The following MACROD2 variants were observed in gnomAD, a reference collection of about 807,000 sequenced individuals.
The protein encoded by MACROD2 is ADP-ribose glycohydrolase MACROD2.
MACROD2 carries 36 observed loss-of-function variants against 70.4 expected under a neutral mutation model. That is an observed-to-expected ratio of 0.51 (90% CI 0.39 to 0.68). MACROD2 has a LOEUF of 0.68. Ranked by LOEUF, MACROD2 falls within the 30% of genes least tolerant of loss-of-function variation. The probability of loss-of-function intolerance (pLI) is 0.00; values close to 1 mark genes in which losing one functional copy is unlikely to be tolerated. For synonymous variants in MACROD2, 172 were observed against 178.8 expected (o/e 0.96, Z 0.30); for missense variants, 496 against 538.4 (o/e 0.92, Z 0.78).
intron 8 of MACROD2, among the ~76,000 whole-genome samples, chr20:15,777,566 CTT>C (rs2051749524): frequency 1.1e-5 from 1 of 93,968 alleles, no homozygotes; most frequent in Non-Finnish European, 2.5e-5. Context: ...TCCTTCCTTC[CTT>C]CCTTCCTTCT....
intron 4 of MACROD2, among the ~76,000 whole-genome samples, chr20:14,585,690 T>C (rs1417634312): frequency 6.6e-6 from 1 of 152,142 alleles, no homozygotes; most frequent in Non-Finnish European, 1.5e-5. Context: ...AGATTAAATA[T>C]GTAAGGTGTT....
chr20:14,972,148 GA>G (rs575602742), intron 5 of MACROD2, among the ~76,000 whole-genome samples: 122 of 152,360 alleles, frequency 8.0e-4, no homozygotes, highest in Non-Finnish European at 1.3e-3. Flanking sequence ...GCAGGAAGCA[GA>G]AAATGCCAGG....
rs758221880 is a variant in MACROD2, at chr20:15,611,848, G to A, written c.645+112001G>A. Among the ~76,000 whole-genome samples, 71 of 146,804 alleles carry A rather than the reference G, an allele frequency of 4.8e-4. 1 individual carries two copies. The highest frequency in any genetic ancestry group is 3.4e-3 in the Middle Eastern group (1 of 292). ...TCTATAAGGCTCCGAGCAAATTCCC[G>A]GGAGCTGGGCACGTAGTGGGGATTG... On this transcript the variant is annotated intron_variant, in intron 8 of 17. Coordinates refer to ENST00000684519, the MANE Select transcript of MACROD2 (RefSeq NM_001351661.2).
chr20:14,100,251 C>T (rs925723784), intron 3 of MACROD2, among the ~76,000 whole-genome samples: 4 of 151,878 alleles, frequency 2.6e-5, no homozygotes, highest in African/African-American at 9.7e-5. Context: ...CTCAGAAAGT[C>T]TATTTCCATA....
intron 8 of MACROD2, among the ~76,000 whole-genome samples, chr20:15,719,763 T>G (rs2050759982): frequency 6.6e-6 from 1 of 152,200 alleles, no homozygotes; most frequent in Admixed American, 6.5e-5. Context: ...AATTAGCATA[T>G]CCATCACCTC....
intron 3 of MACROD2, chr20:14,325,822 T>TATA: frequency 6.2e-7 from 1 of 1,613,896 alleles, no homozygotes; most frequent in Non-Finnish European, 8.5e-7. Flanking sequence ...ATATGCACAG[T>TATA]TCCTTGAGAA....
chr20:14,676,954 A>T (rs2070869392), intron 4 of MACROD2, among the ~76,000 whole-genome samples: 1 of 152,160 alleles, frequency 6.6e-6, no homozygotes. Flanking sequence ...ATTTCACTAA[A>T]TGGTGCATTT....
Position 14,600,944 on chromosome 20 carries a change from C to G in MACROD2, c.302-83899C>G, listed in dbSNP as rs141138731. ...AAAATTCCATGGCATAGAGAGAGAGCACAGGCTTTGCATTTAGTCCAAATG... is the reference window on the plus strand; with the variant it reads ...AAAATTCCATGGCATAGAGAGAGAGGACAGGCTTTGCATTTAGTCCAAATG... On this transcript the variant is annotated intron_variant, in intron 4 of 17. Coordinates refer to ENST00000684519, the MANE Select transcript of MACROD2 (RefSeq NM_001351661.2). Among the ~76,000 whole-genome samples the G allele has an allele frequency of 4.6e-5, 7 of 152,128 alleles. No individual in the cohort carries two copies. In the South Asian group the frequency reaches 8.3e-4, roughly 18 times the overall value.
chr20:14,137,616 T>C (rs1481309837), intron 3 of MACROD2, among the ~76,000 whole-genome samples: 2 of 152,156 alleles, frequency 1.3e-5, no homozygotes, highest in East Asian at 1.9e-4. Context: ...TCCTACATCA[T>C]ATACAACAAT....
At chr20:14,445,294 G>C (rs1407552331) in intron 3 of MACROD2, among the ~76,000 whole-genome samples, 1 of 151,876 alleles carries the variant, frequency 6.6e-6, no homozygotes, top group Non-Finnish European at 1.5e-5. Flanking sequence ...ACCAGCACTT[G>C]GCCTAAAGTA....
chr20:15,367,647 TCTC>T (rs2045430315), intron 6 of MACROD2, among the ~76,000 whole-genome samples: 1 of 152,060 alleles, frequency 6.6e-6, no homozygotes, highest in African/African-American at 2.4e-5. Flanking sequence ...AATTCTATCT[TCTC>T]CTATGAAAGC....
rs1159311138 is a variant in MACROD2 at position 14,503,463 on chromosome 20, T to G, written c.301+9955T>G. Among the ~76,000 whole-genome samples the G allele has an allele frequency of 2.0e-5, 3 of 152,156 alleles. No individual in the cohort carries two copies. In the East Asian group the frequency reaches 5.8e-4, roughly 29 times the overall value. Reference sequence around the variant, plus strand: ...GCTAGAGAATCTGAGTCTCCAAAACTGGCTTTGAGAGTGGGGCTGAATGGA... The same window carrying G: ...GCTAGAGAATCTGAGTCTCCAAAACGGGCTTTGAGAGTGGGGCTGAATGGA... On this transcript the variant is annotated intron_variant, in intron 4 of 17. Coordinates refer to ENST00000684519, the MANE Select transcript of MACROD2 (RefSeq NM_001351661.2).
intron 8 of MACROD2, among the ~76,000 whole-genome samples, chr20:15,595,421 T>C (rs944889241): frequency 1.3e-5 from 2 of 152,180 alleles, no homozygotes; most frequent in Non-Finnish European, 2.9e-5. Flanking sequence ...CCATTCCCTC[T>C]TCTAGGTGTG....
chr20:15,614,592 T>C (rs544570931), intron 8 of MACROD2, among the ~76,000 whole-genome samples: 1 of 152,296 alleles, frequency 6.6e-6, no homozygotes, highest in South Asian at 2.1e-4. Context: ...AATTTTAACG[T>C]AAATTGGAAT....
At chr20:15,017,543 A>G (rs966943487) in intron 5 of MACROD2, among the ~76,000 whole-genome samples, 2 of 152,190 alleles carry the variant, frequency 1.3e-5, no homozygotes, top group Admixed American at 1.3e-4. Flanking sequence ...CAGCTCCACT[A>G]GGCGGTACCC....
At chr20:15,498,301 A>T (rs141227430) in intron 7 of MACROD2, among the ~76,000 whole-genome samples, 98 of 152,260 alleles carry the variant, frequency 6.4e-4, no homozygotes, top group Non-Finnish European at 1.1e-3. Flanking sequence ...ACGTACTGAG[A>T]TCTGAACCAT....
chr20:15,025,013 A>C (rs886807786), intron 5 of MACROD2, among the ~76,000 whole-genome samples: 1 of 152,124 alleles, frequency 6.6e-6, no homozygotes. Flanking sequence ...GTTAAACACA[A>C]AACACTCAGA....
chr20:15,284,517 A>G (rs2077474581), intron 6 of MACROD2, among the ~76,000 whole-genome samples: 1 of 152,150 alleles, frequency 6.6e-6, no homozygotes, highest in Non-Finnish European at 1.5e-5. Flanking sequence ...AAAATACATG[A>G]AATCTATTTT....
At chr20:15,024,215 A>G (rs1050512211) in intron 5 of MACROD2, among the ~76,000 whole-genome samples, 7 of 152,166 alleles carry the variant, frequency 4.6e-5, no homozygotes, top group Non-Finnish European at 2.9e-5. Flanking sequence ...AAGGTATGCC[A>G]TATTCTAGGC....
Sources: allele counts gnomAD v4.1 joint callset (sites outside exome capture counted in the v4.1 genomes callset), GRCh38; gene constraint gnomAD v4.1.1; transcripts MANE v1.5; gene names NCBI Gene and HGNC (gene_info 2026-07-23, HGNC 2026-07-21).